The following UTRN variants were observed in gnomAD, a reference collection of about 807,000 sequenced individuals.
UTRN encodes dystrophin-related protein 1.
Under a neutral mutation model 463.9 loss-of-function variants are expected in UTRN, and 283 were observed. The ratio of observed to expected loss-of-function variants is 0.61; its 90% CI spans 0.55 to 0.67. The LOEUF (loss-of-function observed/expected upper bound fraction) is 0.67. Among genes scored for constraint, UTRN ranks in the 30% least tolerant of loss-of-function variants. The pLI, the probability that UTRN is intolerant of heterozygous loss-of-function variation, is 0.00. For synonymous variants in UTRN, 1,442 were observed against 1,431.5 expected (o/e 1.01, Z -0.17); for missense variants, 3,922 against 4,084.3 (o/e 0.96, Z 1.08).
chr6:144,724,443 G>C (rs1286751350), intron 53 of UTRN, among the ~76,000 whole-genome samples: 1 of 151,752 alleles, frequency 6.6e-6, no homozygotes, highest in Non-Finnish European at 1.5e-5. Context: ...TGGCCAGGCT[G>C]GTCTTGAACT....
At chr6:144,799,534 A>G in intron 64 of UTRN, 1 of 471,236 alleles carries the variant, frequency 2.1e-6, no homozygotes, top group African/African-American at 2.0e-5. Flanking sequence ...AGTATCTGGT[A>G]GACATAGATG....
chr6:144,424,151 C>T, intron 6 of UTRN, 73 bp downstream of exon 6: 1 of 1,502,934 alleles, frequency 6.7e-7, no homozygotes, highest in Middle Eastern at 1.7e-4. Flanking sequence ...CTTAAGGCTG[C>T]CGTAACCAAG....
intron 2 of UTRN, among the ~76,000 whole-genome samples, chr6:144,331,909 G>T (rs1487071233): frequency 6.6e-6 from 1 of 152,032 alleles, no homozygotes; most frequent in East Asian, 1.9e-4. Flanking sequence ...CAAATATTCA[G>T]TGAATCATAT....
intron 45 of UTRN, among the ~76,000 whole-genome samples, chr6:144,542,074 G>T (rs943985910): frequency 2.4e-4 from 36 of 152,136 alleles, no homozygotes; most frequent in Non-Finnish European, 4.1e-4. Flanking sequence ...ACCACTTTGA[G>T]GGTAGTGGGC....
At chr6:144,799,912 A>T (rs568457655) in intron 64 of UTRN, among the ~76,000 whole-genome samples, 2 of 152,350 alleles carry the variant, frequency 1.3e-5, no homozygotes, top group East Asian at 3.9e-4. Context: ...TTTAGGAGAG[A>T]GAGATTTAAT....
intron 39 of UTRN, among the ~76,000 whole-genome samples, chr6:144,517,858 T>C (rs1795762947): frequency 6.6e-6 from 1 of 152,204 alleles, no homozygotes; most frequent in Admixed American, 6.5e-5. Context: ...TGAAATAACC[T>C]AGAGACACAT....
intron 73 of UTRN, among the ~76,000 whole-genome samples, chr6:144,843,820 C>G (rs1358008525): frequency 1.3e-5 from 2 of 152,132 alleles, no homozygotes; most frequent in Non-Finnish European, 2.9e-5. Flanking sequence ...ATGTAAAATA[C>G]CCTTAGCCTT....
At chr6:144,747,124 A>C (rs1363960501) in intron 54 of UTRN, among the ~76,000 whole-genome samples, 1 of 152,226 alleles carries the variant, frequency 6.6e-6, no homozygotes, top group Non-Finnish European at 1.5e-5. Flanking sequence ...TCTTATGATG[A>C]TCATTTTCCA....
At chr6:144,640,205 T>G (rs1372476624) in intron 51 of UTRN, among the ~76,000 whole-genome samples, 1 of 152,160 alleles carries the variant, frequency 6.6e-6, no homozygotes, top group African/African-American at 2.4e-5. Flanking sequence ...CCCCTCCACC[T>G]TAATATCAAG....
intron 52 of UTRN, among the ~76,000 whole-genome samples, chr6:144,681,473 A>C (rs78034085): frequency 6.6e-6 from 1 of 152,126 alleles, no homozygotes; most frequent in African/African-American, 2.4e-5. Context: ...TGCATAAGTA[A>C]TGGTGCAAGC....
In UTRN at chr6:144,499,363, T is replaced by G; in HGVS notation, c.4700T>G (p.Leu1567Trp). The G allele has an allele frequency of 6.2e-7, 1 of 1,613,906 alleles. No individual in the cohort carries two copies. ...TGGCTTTCTGCTACTGAAACTGAAT[T>G]GGTACAGAAGTCCACTTCAGAAGGT... ...SEWLSATETE[L>W]VQKSTSEGLL... is the part of the protein sequence containing the mutation. The change falls in exon 34 of 75, where the codon TTG (leucine) becomes TGG (tryptophan). Residue 1567 changes from leucine (L) to tryptophan (W), a missense_variant. Coordinates refer to ENST00000367545, the MANE Select transcript of UTRN (RefSeq NM_007124.3).
chr6:144,628,281 C>T (rs375356621), intron 51 of UTRN, among the ~76,000 whole-genome samples: 148 of 152,260 alleles, frequency 9.7e-4, no homozygotes, highest in Non-Finnish European at 1.9e-3. Flanking sequence ...ATAAACATGA[C>T]GTTTTAATCA....
Position 144,451,149 on chromosome 6 carries a change from T to C in UTRN, c.2073-221T>C, listed in dbSNP as rs140167142. ...ACAACAACAAATTATTTAATTATTT[T>C]CTTCAATTGTTTATTAACCCTATAA... On this transcript the variant is annotated intron_variant, in intron 17 of 74. Coordinates refer to ENST00000367545, the MANE Select transcript of UTRN (RefSeq NM_007124.3). Among the ~76,000 whole-genome samples the C allele has an allele frequency of 3.7e-3, 569 of 152,328 alleles. 1 individual carries two copies. Among genetic ancestry groups the C allele is most frequent in the African/African-American group, 0.013 (534 of 41,566 alleles).
intron 53 of UTRN, among the ~76,000 whole-genome samples, chr6:144,712,421 T>G (rs1785827002): frequency 6.6e-6 from 1 of 152,128 alleles, no homozygotes; most frequent in South Asian, 2.1e-4. Flanking sequence ...GTGGTAAAAT[T>G]AAGAGTGGAT....
chr6:144,373,893 C>T (rs1047407965), intron 2 of UTRN, among the ~76,000 whole-genome samples: 6 of 152,180 alleles, frequency 3.9e-5, no homozygotes, highest in Non-Finnish European at 5.9e-5. Context: ...ATTAGCCACT[C>T]AGTGCTTGCA....
chr6:144,423,128 G>C (rs1454588683), intron 4 of UTRN, among the ~76,000 whole-genome samples: 2 of 152,212 alleles, frequency 1.3e-5, no homozygotes, highest in Non-Finnish European at 2.9e-5. Flanking sequence ...TCCTTCTGCA[G>C]CCAGACCAAT....
chr6:144,619,291 G>C (rs2128646391), intron 51 of UTRN, among the ~76,000 whole-genome samples: 1 of 152,230 alleles, frequency 6.6e-6, no homozygotes, highest in Middle Eastern at 3.4e-3. Flanking sequence ...ATATTCATTA[G>C]TAAAGTACAG....
At chr6:144,644,674 C>G (rs138728220) in intron 51 of UTRN, among the ~76,000 whole-genome samples, 34 of 152,110 alleles carry the variant, frequency 2.2e-4, no homozygotes, top group Middle Eastern at 3.4e-3. Context: ...TTTTGTAATT[C>G]TTAGTTTGTC....
rs1805230357 is a variant in UTRN at position 144,609,385 on chromosome 6, G to A, written c.7479+32097G>A. On this transcript the variant is annotated intron_variant, in intron 51 of 74. Coordinates refer to ENST00000367545, the MANE Select transcript of UTRN (RefSeq NM_007124.3). ...AATGATAAAAAGGTATTAATTCACAGACATAATTGTAAACGCATATGAATG... is the reference window on the plus strand; with the variant it reads ...AATGATAAAAAGGTATTAATTCACAAACATAATTGTAAACGCATATGAATG... 2.6e-5 allele frequency among the ~76,000 whole-genome samples: 4 copies of A among 152,284 alleles called. No homozygotes were observed. The South Asian group carries it at 6.2e-4, about 24-fold the overall frequency.
Sources: gnomAD v4.1 joint callset for allele counts (sites outside exome capture counted in the v4.1 genomes callset) on GRCh38, gnomAD v4.1.1 for gene constraint, MANE v1.5 for transcripts, NCBI Gene and HGNC (gene_info 2026-07-23, HGNC 2026-07-21) for gene names.